Variants in LRRK1 observed in about 807,000 individuals in gnomAD.
The protein encoded by LRRK1 is leucine rich repeat kinase 1, also known as leucine-rich repeat serine/threonine-protein kinase 1.
Under a neutral mutation model 209.1 loss-of-function variants are expected in LRRK1, and 113 were observed. The observed-to-expected ratio is 0.54, with a 90% CI of 0.46 to 0.63. LRRK1 has a LOEUF of 0.63. Ranked by LOEUF, LRRK1 falls within the 30% of genes least tolerant of loss-of-function variation. LRRK1 has a pLI of 0.00. For synonymous variants in LRRK1, 1,144 were observed against 1,099.7 expected (o/e 1.04, Z -0.80); for missense variants, 2,284 against 2,632.2 (o/e 0.87, Z 2.89).
chr15:101,039,557 T>C (rs918942726), intron 20 of LRRK1, among the ~76,000 whole-genome samples: 2 of 152,232 alleles, frequency 1.3e-5, no homozygotes, highest in African/African-American at 4.8e-5. Context: ...TTTTTCATTC[T>C]AATCTTCACA....
intron 2 of LRRK1, among the ~76,000 whole-genome samples, chr15:100,939,589 C>T (rs188317605): frequency 4.6e-5 from 7 of 152,124 alleles, no homozygotes; most frequent in South Asian, 2.1e-4. Flanking sequence ...AATGGTTTTT[C>T]GACTTTTCAC....
At chr15:101,007,740 G>A (rs1218225544) in intron 6 of LRRK1, among the ~76,000 whole-genome samples, 1 of 152,180 alleles carries the variant, frequency 6.6e-6, no homozygotes, top group Non-Finnish European at 1.5e-5. Flanking sequence ...TGCAAAGTTG[G>A]CTCTCTCGGG....
chr15:101,010,705 G>A lies in LRRK1; in HGVS notation c.1149G>A (p.Gln383=). The A allele has an allele frequency of 2.5e-6, 4 of 1,612,834 alleles. No homozygotes were observed. The highest frequency in any genetic ancestry group is 3.4e-6 in the Non-Finnish European group (4 of 1,179,688). ...ACTGGATAGGTTTACGGAAGCTACA[G>A]GAACTTGATATATCTGACAATAAAT... ...ATNWIGLRKL[Q]ELDISDNKLT... Residue 383 remains glutamine (Q), a synonymous_variant, in exon 9 of 34, where the codon CAG becomes CAA. Transcript: ENST00000388948.
chr15:100,942,397 CTCTATT>C (rs1282568911), intron 2 of LRRK1, among the ~76,000 whole-genome samples: 3 of 152,156 alleles, frequency 2.0e-5, no homozygotes, highest in South Asian at 2.1e-4. Flanking sequence ...CTCAACTGGA[CTCTATT>C]TCTATTAGGG....
Position 100,972,355 on chromosome 15 carries a change from AGAGAGAGAGTGTGTGT to A in LRRK1, c.98-1447_98-1432del, listed in dbSNP as rs1351536662. ...ATATATGAGAGAGAGAGAGAGAGAG[AGAGAGAGAGTGTGTGT>A]GTGTGTGTGTGTGTGTGTGTGTGTG... On this transcript the variant is annotated intron_variant, in intron 2 of 33. Coordinates refer to ENST00000388948, the MANE Select transcript of LRRK1 (RefSeq NM_024652.6). Among the ~76,000 whole-genome samples the A allele has an allele frequency of 1.9e-4, 25 of 134,134 alleles. 1 individual carries two copies. The East Asian group carries it at 2.3e-3, about 13-fold the overall frequency. 88.0% of individuals were successfully genotyped at this position (134,134 alleles called of 152,430 possible).
chr15:100,923,075 T>C (rs1405496896), intron 1 of LRRK1, among the ~76,000 whole-genome samples: 1 of 152,174 alleles, frequency 6.6e-6, no homozygotes, highest in Non-Finnish European at 1.5e-5. Flanking sequence ...ATTCTGATCT[T>C]ATTAATTAGC....
In LRRK1 at chr15:101,065,720, G is replaced by A; in HGVS notation, c.5283G>A (p.Leu1761=). The A allele has an allele frequency of 6.2e-7, 1 of 1,614,114 alleles. No homozygotes were observed. The highest frequency in any genetic ancestry group is 8.5e-7 in the Non-Finnish European group (1 of 1,180,016). ...VWCLDDKANS[L]VMYHSTTYQL... is the part of the protein sequence containing the mutation. ...GCCTGGATGACAAGGCCAACTCCTT[G>A]GTGATGTACCACTCCACCACCTACC... The change falls in exon 32 of 34, where the codon TTG becomes TTA. Residue 1761 remains leucine, a synonymous_variant. Transcript: ENST00000388948.
intron 2 of LRRK1, among the ~76,000 whole-genome samples, chr15:100,966,655 C>T (rs948552942): frequency 6.6e-6 from 1 of 152,202 alleles, no homozygotes; most frequent in Non-Finnish European, 1.5e-5. Flanking sequence ...TCCTAATGTC[C>T]TTCCAACAAC....
At chr15:101,034,470 A>G (rs1160444216) in intron 20 of LRRK1, among the ~76,000 whole-genome samples, 1 of 152,034 alleles carries the variant, frequency 6.6e-6, no homozygotes, top group African/African-American at 2.4e-5. Context: ...TCTTCTCCAT[A>G]TGGATATCCA....
intron 16 of LRRK1, among the ~76,000 whole-genome samples, chr15:101,025,694 C>T (rs2033996484): frequency 6.6e-6 from 1 of 152,214 alleles, no homozygotes; most frequent in African/African-American, 2.4e-5. Flanking sequence ...AGGGTGAACG[C>T]ACCCATTACT....
intron 9 of LRRK1, 37 bp from the exon 10 acceptor site, chr15:101,011,971 A>C (rs1162872015): frequency 6.7e-7 from 1 of 1,502,090 alleles, no homozygotes; most frequent in Non-Finnish European, 9.1e-7. Flanking sequence ...TTAAAGAGCT[A>C]ACTAATATAC....
rs1422179063 is a variant in LRRK1 at position 100,924,653 on chromosome 15, A to AC, written c.27dup (p.Ser10GlnfsTer23). 6.2e-7 allele frequency: 1 copy of AC among 1,613,262 alleles called. No homozygotes were observed. Among genetic ancestry groups the AC allele is most frequent in the Non-Finnish European group, 8.5e-7 (1 of 1,179,850 alleles). On this transcript the variant is annotated frameshift_variant, in exon 2 of 34. Transcript: ENST00000388948. LOFTEE classifies it high-confidence loss of function. ...GGTTGATGGCTGGCATGTCGCAAAG[A>AC]CCCCCCAGCATGTACTGGTGTGTGG...
Position 101,062,133 on chromosome 15 carries a change from C to T in LRRK1, c.4798-441C>T, listed in dbSNP as rs140147988. On this transcript the variant is annotated intron_variant, in intron 30 of 33. Transcript: ENST00000388948. ...GCGAGAGCAAGGGCTCTGCCTAAAG[C>T]GTGCTGTTGCATGGGAAGAACAGTG... Among the ~76,000 whole-genome samples the T allele has an allele frequency of 5.0e-4, 76 of 152,294 alleles. 3 individuals carry two copies. The East Asian group carries it at 0.013, about 27-fold the overall frequency.
Position 101,058,194 on chromosome 15 carries a change from C to T in LRRK1, c.4679+53C>T, listed in dbSNP as rs116125660. On this transcript the variant is annotated intron_variant, in intron 29 of 33. Coordinates refer to ENST00000388948, the MANE Select transcript of LRRK1 (RefSeq NM_024652.6). ...CTTTGTATTTGGGGTGGGAGGCCGC[C>T]GTGGAATCTGGGAACACAGTCGATG... is the stretch of plus-strand genomic sequence containing the variant. 9.9e-4 allele frequency: 1,555 copies of T among 1,575,982 alleles called. 8 individuals are homozygous for T. In the African/African-American group the frequency reaches 0.018, roughly 18 times the overall value.
intron 2 of LRRK1, among the ~76,000 whole-genome samples, chr15:100,971,082 C>T (rs2030845741): frequency 6.6e-6 from 1 of 151,948 alleles, no homozygotes; most frequent in Non-Finnish European, 1.5e-5. Flanking sequence ...GCCTGTAATC[C>T]CAGCACTCTG....
At chr15:101,032,307 G>C (rs538201999) in intron 20 of LRRK1, among the ~76,000 whole-genome samples, 10 of 151,050 alleles carry the variant, frequency 6.6e-5, no homozygotes, top group Admixed American at 6.6e-4. Flanking sequence ...TATTCTTTAA[G>C]TTCTAGGGTA....
At chr15:100,966,745 C>A (rs540131677) in intron 2 of LRRK1, among the ~76,000 whole-genome samples, 1 of 152,112 alleles carries the variant, frequency 6.6e-6, no homozygotes, top group African/African-American at 2.4e-5. Flanking sequence ...AAGTCAGAGT[C>A]GAAACAGATA....
At chr15:100,929,966 G>A (rs2042180071) in intron 2 of LRRK1, among the ~76,000 whole-genome samples, 1 of 152,256 alleles carries the variant, frequency 6.6e-6, no homozygotes, top group Non-Finnish European at 1.5e-5. Flanking sequence ...CAAAGCAGAG[G>A]CCAGCTACAG....
At position 101,052,997 on chromosome 15, in the gene LRRK1, C is replaced by T. The variant is rs377557706; in HGVS notation, c.3765C>T (p.Thr1255=). ...TCCTGGGCCAGGGCGGCAGTGGCACCGTCATCTACCGGGCCCGGTACCAGG... is the reference window on the plus strand; with the variant it reads ...TCCTGGGCCAGGGCGGCAGTGGCACTGTCATCTACCGGGCCCGGTACCAGG... ...GSVLGQGGSG[T]VIYRARYQGQ... Residue 1255 remains threonine (T), a synonymous_variant, in exon 25 of 34, where the codon ACC becomes ACT. Coordinates refer to ENST00000388948, the MANE Select transcript of LRRK1 (RefSeq NM_024652.6). The T allele has an allele frequency of 5.8e-5, 93 of 1,613,048 alleles. 1 individual carries two copies. In the African/African-American group the frequency reaches 6.5e-4, roughly 11 times the overall value.
Sources: gnomAD v4.1 joint callset for allele counts (sites outside exome capture counted in the v4.1 genomes callset) on GRCh38, gnomAD v4.1.1 for gene constraint, MANE v1.5 for transcripts, NCBI Gene and HGNC (gene_info 2026-07-23, HGNC 2026-07-21) for gene names.